ZBTB34: variants seen among roughly 807,000 people sequenced by gnomAD.
The protein encoded by ZBTB34 is zinc finger and BTB domain-containing protein 34.
ZBTB34 carries 1 observed loss-of-function variant against 33.4 expected under a neutral mutation model. The ratio of observed to expected loss-of-function variants is 0.03; its 90% confidence interval spans 0.01 to 0.14. ZBTB34 has a LOEUF of 0.14. Among genes scored for constraint, ZBTB34 ranks in the 10% least tolerant of loss-of-function variants. The probability of loss-of-function intolerance (pLI) is 1.00; values close to 1 mark genes in which losing one functional copy is unlikely to be tolerated. For missense variants in ZBTB34, 406 were observed against 657.2 expected (o/e 0.62, Z 4.18); for synonymous variants, 283 against 253.5 (o/e 1.12, Z -1.11).
intron 1 of ZBTB34, among the ~76,000 whole-genome samples, chr9:126,872,233 G>A (rs550650891): frequency 6.6e-6 from 1 of 151,966 alleles, no homozygotes; most frequent in African/African-American, 2.4e-5. Context: ...TTACAGGCGT[G>A]AGCCACCGCG....
chr9:126,862,132 A>AG (rs1421676398), intron 1 of ZBTB34, among the ~76,000 whole-genome samples: 1 of 152,082 alleles, frequency 6.6e-6, no homozygotes, highest in Non-Finnish European at 1.5e-5. Flanking sequence ...GGGTTTAGTG[A>AG]GGGGCGGGAT....
At chr9:126,885,733 CTTTG>C (rs2033514216) in exon 2 of ZBTB34, 2 of 167,152 alleles carry the variant, frequency 1.2e-5, no homozygotes, top group Non-Finnish European at 2.9e-5. Flanking sequence ...CTTGTATTCA[CTTTG>C]TTTTAGATTT....
At chr9:126,874,465 T>TA (rs2033328172) in intron 1 of ZBTB34, among the ~76,000 whole-genome samples, 1 of 152,220 alleles carries the variant, frequency 6.6e-6, no homozygotes, top group Non-Finnish European at 1.5e-5. Context: ...CTTCTGTAGT[T>TA]ACTACGTTTG....
chr9:126,868,526 G>A (rs1199020759), intron 1 of ZBTB34, among the ~76,000 whole-genome samples: 1 of 152,078 alleles, frequency 6.6e-6, no homozygotes, highest in East Asian at 1.9e-4. Context: ...TTGCCCAGCC[G>A]GCCATCACTC....
At chr9:126,868,569 C>T (rs1160126398) in intron 1 of ZBTB34, among the ~76,000 whole-genome samples, 2 of 152,208 alleles carry the variant, frequency 1.3e-5, no homozygotes, top group Admixed American at 1.3e-4. Context: ...CAAAGCTGCT[C>T]GCCTTCAGCT....
chr9:126,868,538 A>G (rs543149133), intron 1 of ZBTB34, among the ~76,000 whole-genome samples: 63 of 152,190 alleles, frequency 4.1e-4, no homozygotes, highest in African/African-American at 1.5e-3. Context: ...CCATCACTCC[A>G]CAGCGTGTGT....
Position 126,879,294 on chromosome 9 carries a change from T to G in ZBTB34, c.-10-96T>G. 9.9e-7 allele frequency: 1 copy of G among 1,013,614 alleles called. No homozygotes were observed. The highest frequency in any genetic ancestry group is 2.5e-5 in the East Asian group (1 of 40,736). 62.8% of individuals were successfully genotyped at this position (1,013,614 alleles called of 1,614,324 possible). A position where few individuals can be genotyped will look rare whatever the true frequency, so the allele number is the denominator to read the frequency against. On this transcript the variant is annotated intron_variant, in intron 1 of 1. Coordinates refer to ENST00000319119, the Ensembl canonical transcript of ZBTB34. The surrounding 1 kb of genome is among the most constrained non-coding windows in gnomAD (Gnocchi z 6.4). ...TTCAGGTAGATTTTAGGAGGTATGATAGCCACAATGGTATTGTTGTTGTAA... is the reference window on the plus strand; with the variant it reads ...TTCAGGTAGATTTTAGGAGGTATGAGAGCCACAATGGTATTGTTGTTGTAA...
rs185838357 is a variant in ZBTB34, at chr9:126,880,662, C to T, written c.1263C>T (p.Tyr421=). Residue 421 remains tyrosine, a synonymous_variant, in exon 2 of 2, where the codon TAC becomes TAT. Transcript: ENST00000319119. The surrounding 1 kb of genome is among the most constrained non-coding windows in gnomAD (Gnocchi z 6.7). ...ACACACGGAAGGACCAACTGGAGTA[C>T]CACATCCGGGGCCATACAGATGATA... The T allele has an allele frequency of 1.6e-5, 26 of 1,613,810 alleles. No individual in the cohort carries two copies. In the African/African-American group the frequency reaches 2.7e-4, roughly 17 times the overall value.
chr9:126,866,931 A>G (rs183072492), intron 1 of ZBTB34, among the ~76,000 whole-genome samples: 192 of 152,322 alleles, frequency 1.3e-3, no homozygotes, highest in Non-Finnish European at 2.1e-3. Context: ...CAAGCAACGT[A>G]ATATAATTCC....
At chr9:126,867,447 C>CTT (rs201325256) in intron 1 of ZBTB34, among the ~76,000 whole-genome samples, 60 of 119,504 alleles carry the variant, frequency 5.0e-4, no homozygotes, top group East Asian at 1.5e-3. Context: ...TGTCATTTTT[C>CTT]TTTTTTTTTT....
At chr9:126,874,592 T>C (rs2119222133) in intron 1 of ZBTB34, among the ~76,000 whole-genome samples, 1 of 152,254 alleles carries the variant, frequency 6.6e-6, no homozygotes, top group Admixed American at 6.5e-5. Flanking sequence ...ATTTCAGTAA[T>C]TCTCCCCTTT....
intron 1 of ZBTB34, among the ~76,000 whole-genome samples, chr9:126,868,660 C>G (rs1409182566): frequency 1.3e-5 from 2 of 152,208 alleles, no homozygotes; most frequent in African/African-American, 2.4e-5. Context: ...CTTGGTCAGT[C>G]CTGGAGGGCC....
chr9:126,865,759 C>A (rs979911141), intron 1 of ZBTB34, among the ~76,000 whole-genome samples: 2 of 152,084 alleles, frequency 1.3e-5, no homozygotes, highest in Non-Finnish European at 2.9e-5. Context: ...CTGAGGCAGG[C>A]GGATCCCTTG....
chr9:126,873,304 C>G (rs1318493554), intron 1 of ZBTB34, among the ~76,000 whole-genome samples: 3 of 152,126 alleles, frequency 2.0e-5, no homozygotes, highest in Non-Finnish European at 2.9e-5. Flanking sequence ...CACTCTATCA[C>G]CCAGGCTGGA....
chr9:126,865,362 G>C (rs919645537), intron 1 of ZBTB34, among the ~76,000 whole-genome samples: 1 of 152,250 alleles, frequency 6.6e-6, no homozygotes, highest in Non-Finnish European at 1.5e-5. Context: ...CGCAGTCCCT[G>C]CCCTCAGAGA....
intron 1 of ZBTB34, among the ~76,000 whole-genome samples, chr9:126,876,824 C>G (rs1038893991): frequency 6.6e-6 from 1 of 152,170 alleles, no homozygotes; most frequent in African/African-American, 2.4e-5. Context: ...TGATTTCAAT[C>G]ATAAATCTAG....
At chr9:126,874,318 G>A (rs1415046133) in intron 1 of ZBTB34, among the ~76,000 whole-genome samples, 4 of 151,760 alleles carry the variant, frequency 2.6e-5, no homozygotes, top group African/African-American at 9.7e-5. Flanking sequence ...CCAAAGTGCT[G>A]GGATTACAGG....
chr9:126,871,744 C>A (rs568562216), intron 1 of ZBTB34, among the ~76,000 whole-genome samples: 1 of 152,142 alleles, frequency 6.6e-6, no homozygotes, highest in South Asian at 2.1e-4. Context: ...GGAAGAGGGG[C>A]TGGGGGAAAG....
chr9:126,876,614 G>T (rs1020587567), intron 1 of ZBTB34, among the ~76,000 whole-genome samples: 2 of 152,132 alleles, frequency 1.3e-5, no homozygotes, highest in Non-Finnish European at 2.9e-5. Flanking sequence ...GAAGTAGACA[G>T]TTTTCTTCTT....
Sources: allele counts gnomAD v4.1 joint callset (sites outside exome capture counted in the v4.1 genomes callset), GRCh38; gene constraint gnomAD v4.1.1; non-coding constraint Gnocchi (gnomAD v3.1); transcripts MANE v1.5; gene names NCBI Gene and HGNC (gene_info 2026-07-23, HGNC 2026-07-21).